The following WWOX variants were observed in gnomAD, a reference collection of about 807,000 sequenced individuals.
The protein encoded by WWOX is WW domain-containing oxidoreductase.
A neutral mutation model predicts 46.2 loss-of-function variants in WWOX; 69 were observed. That is an observed-to-expected ratio of 1.49 (90% CI 1.23 to 1.82). The LOEUF (loss-of-function observed/expected upper bound fraction) is 1.82, where lower values mean the gene tolerates loss of function less well. Among genes scored for constraint, WWOX ranks in the 40% most tolerant of loss-of-function variants. WWOX has a pLI of 0.00. For missense variants in WWOX, 919 were observed against 542.6 expected, an observed-to-expected ratio of 1.69 and a Z score of -6.89; for synonymous variants, 359 against 202.6, an observed-to-expected ratio of 1.77 and a Z score of -6.56.
intron 8 of WWOX, among the ~76,000 whole-genome samples, chr16:78,827,184 G>C (rs1232834954): frequency 2.0e-5 from 3 of 152,168 alleles, no homozygotes; most frequent in Admixed American, 6.5e-5. Context: ...TAGGCATCAA[G>C]TGAAAGGGTA....
intron 8 of WWOX, among the ~76,000 whole-genome samples, chr16:78,801,628 T>G (rs2050892832): frequency 6.6e-6 from 1 of 152,206 alleles, no homozygotes; most frequent in Non-Finnish European, 1.5e-5. Flanking sequence ...CATTAACAAT[T>G]TCTCTCCTTA....
At chr16:78,222,509 G>C (rs1002650421) in intron 5 of WWOX, among the ~76,000 whole-genome samples, 7 of 152,080 alleles carry the variant, frequency 4.6e-5, no homozygotes, top group African/African-American at 1.7e-4. Context: ...AAGAAAGAGA[G>C]AAAAAAATAC....
rs916902114 is a variant in WWOX, at chr16:78,708,223, G to T, written c.1056+275471G>T. On this transcript the variant is annotated intron_variant, in intron 8 of 8. Coordinates refer to ENST00000566780, the MANE Select transcript of WWOX (RefSeq NM_016373.4). Reference sequence around the variant, plus strand: ...AACAAAAACAAAAACAGGACACCTGGTTAAATGTGAATTTCAGGTAAATAA... The same window carrying T: ...AACAAAAACAAAAACAGGACACCTGTTTAAATGTGAATTTCAGGTAAATAA... Among the ~76,000 whole-genome samples the T allele has an allele frequency of 2.6e-5, 4 of 152,160 alleles. No homozygotes were observed. The South Asian group carries it at 8.3e-4, about 32-fold the overall frequency.
intron 8 of WWOX, among the ~76,000 whole-genome samples, chr16:78,933,772 G>A (rs548854599): frequency 1.3e-5 from 2 of 152,194 alleles, no homozygotes; most frequent in South Asian, 2.1e-4. Flanking sequence ...GAACAGCATG[G>A]GAAAATCCTG....
intron 5 of WWOX, among the ~76,000 whole-genome samples, chr16:78,222,272 G>A (rs549581413): frequency 2.0e-5 from 3 of 150,944 alleles, no homozygotes; most frequent in Middle Eastern, 3.2e-3. Flanking sequence ...TTTCCAACGC[G>A]TATTTCTTCA....
intron 8 of WWOX, among the ~76,000 whole-genome samples, chr16:78,951,068 G>T (rs1460080157): frequency 1.3e-5 from 2 of 152,202 alleles, no homozygotes; most frequent in Non-Finnish European, 2.9e-5. Flanking sequence ...GAGGCCAGAT[G>T]AGGACAGAAT....
intron 8 of WWOX, among the ~76,000 whole-genome samples, chr16:78,834,025 A>G (rs1159527555): frequency 6.6e-6 from 1 of 152,260 alleles, no homozygotes; most frequent in Non-Finnish European, 1.5e-5. Context: ...TGAGTGAATG[A>G]GTGAATGAGT....
chr16:78,304,365 G>T (rs779278272), intron 5 of WWOX, among the ~76,000 whole-genome samples: 2 of 152,208 alleles, frequency 1.3e-5, no homozygotes, highest in Non-Finnish European at 2.9e-5. Flanking sequence ...GAAAGGGTGA[G>T]TGTGGAGGTT....
At chr16:78,938,920 G>A (rs960719868) in intron 8 of WWOX, among the ~76,000 whole-genome samples, 2 of 152,168 alleles carry the variant, frequency 1.3e-5, no homozygotes, top group African/African-American at 4.8e-5. Context: ...CCCAGTCAGG[G>A]GGAATGCTGG....
chr16:78,719,859 C>T (rs541246833), intron 8 of WWOX, among the ~76,000 whole-genome samples: 136 of 152,162 alleles, frequency 8.9e-4, no homozygotes, highest in African/African-American at 3.1e-3. Context: ...AAAGAAAACC[C>T]AGCATTTATT....
At position 78,711,102 on chromosome 16, in the gene WWOX, C is replaced by T. The variant is rs1007552820; in HGVS notation, c.1056+278350C>T. On this transcript the variant is annotated intron_variant, in intron 8 of 8. Transcript: ENST00000566780. ...TTATAAAGAGAGATTACTTCCAACA[C>T]GTTTCTTTAAAGCCTGCTGGCTAAA... Among the ~76,000 whole-genome samples the T allele has an allele frequency of 2.6e-5, 4 of 152,250 alleles. No homozygotes were observed. In the South Asian group the frequency reaches 8.3e-4, roughly 32 times the overall value.
At chr16:78,692,808 C>T (rs1237658013) in intron 8 of WWOX, among the ~76,000 whole-genome samples, 1 of 152,164 alleles carries the variant, frequency 6.6e-6, no homozygotes. Flanking sequence ...CATTTGAAGT[C>T]ATTGGAAACC....
At chr16:78,590,137 AG>A (rs1442037828) in intron 8 of WWOX, among the ~76,000 whole-genome samples, 1 of 76,714 alleles carries the variant, frequency 1.3e-5, no homozygotes, top group Non-Finnish European at 2.5e-5. Context: ...GATAGATATT[AG>A]GCATTCAGTC....
intron 8 of WWOX, among the ~76,000 whole-genome samples, chr16:78,920,448 T>C (rs1371134396): frequency 6.6e-6 from 1 of 152,200 alleles, no homozygotes; most frequent in East Asian, 1.9e-4. Context: ...TATGGTTCTT[T>C]GGACCTGTGA....
intron 8 of WWOX, among the ~76,000 whole-genome samples, chr16:78,707,910 A>G (rs113410893): frequency 6.4e-4 from 98 of 152,278 alleles, no homozygotes; most frequent in Non-Finnish European, 1.1e-3. Flanking sequence ...CCAAGTCACA[A>G]TGCTATTCGG....
At position 78,839,728 on chromosome 16, in the gene WWOX, C is replaced by T. The variant is rs146778003; in HGVS notation, c.1057-371880C>T. ...GGAAAATACATCCCTGGTGATGTTC[C>T]TACCAAGTCACAGGCTTGGTTGGTG... On this transcript the variant is annotated intron_variant, in intron 8 of 8. Transcript: ENST00000566780. 3.3e-5 allele frequency among the ~76,000 whole-genome samples: 5 copies of T among 152,184 alleles called. No homozygotes were observed. The East Asian group carries it at 9.7e-4, about 29-fold the overall frequency.
chr16:78,718,453 C>G (rs532947867), intron 8 of WWOX, among the ~76,000 whole-genome samples: 1 of 152,030 alleles, frequency 6.6e-6, no homozygotes, highest in Non-Finnish European at 1.5e-5. Flanking sequence ...AACTTTATAA[C>G]TGAATAGGAG....
At chr16:78,491,256 A>G (rs539972983) in intron 8 of WWOX, among the ~76,000 whole-genome samples, 3 of 152,190 alleles carry the variant, frequency 2.0e-5, no homozygotes, top group South Asian at 4.1e-4. Flanking sequence ...CTGCTACACC[A>G]TGAGTGCTTT....
At chr16:78,796,055 A>G (rs533531298) in intron 8 of WWOX, among the ~76,000 whole-genome samples, 3 of 152,342 alleles carry the variant, frequency 2.0e-5, no homozygotes, top group Non-Finnish European at 2.9e-5. Context: ...AAGACAGTAT[A>G]TATAATAAAT....
Sources: allele counts gnomAD v4.1 joint callset (sites outside exome capture counted in the v4.1 genomes callset), GRCh38; gene constraint gnomAD v4.1.1; transcripts MANE v1.5; gene names NCBI Gene and HGNC (gene_info 2026-07-23, HGNC 2026-07-21).